PELI1: variants seen among roughly 807,000 people sequenced by gnomAD.
The protein encoded by PELI1 is E3 ubiquitin-protein ligase pellino homolog 1.
PELI1 carries 15 observed loss-of-function variants against 41.3 expected under a neutral mutation model. The ratio of observed to expected loss-of-function variants is 0.36; its 90% CI spans 0.24 to 0.56. PELI1 has a LOEUF of 0.56. Ranked by LOEUF, PELI1 falls within the 20% of genes least tolerant of loss-of-function variation. The probability of loss-of-function intolerance (pLI) is 0.82; values close to 1 mark genes in which losing one functional copy is unlikely to be tolerated. For missense variants in PELI1, 403 were observed against 525.5 expected, an observed-to-expected ratio of 0.77 and a Z score of 2.28; for synonymous variants, 178 against 180.1, an observed-to-expected ratio of 0.99 and a Z score of 0.09.
chr2:64,139,010 A>G (rs1439354516), intron 1 of PELI1, among the ~76,000 whole-genome samples: 1 of 152,226 alleles, frequency 6.6e-6, no homozygotes, highest in East Asian at 1.9e-4. Context: ...CCCACACATC[A>G]CATTTTAAGT....
At chr2:64,129,919 C>G (rs1375226721) in intron 1 of PELI1, among the ~76,000 whole-genome samples, 1 of 152,144 alleles carries the variant, frequency 6.6e-6, no homozygotes, top group Non-Finnish European at 1.5e-5. Flanking sequence ...AGTTTTCATG[C>G]AAATCACTGA....
Position 64,119,489 on chromosome 2 carries a change from T to G in PELI1, c.-69-11110A>C, listed in dbSNP as rs76874374. 2.0e-3 allele frequency among the ~76,000 whole-genome samples: 304 copies of G among 152,320 alleles called. 12 individuals are homozygous for G. The East Asian group carries it at 0.056, about 28-fold the overall frequency. On this transcript the variant is annotated intron_variant, in intron 1 of 6. Transcript: ENST00000358912. ...GTTACAGTTGGAACCACACACTGAA[T>G]AGCTGGCTGTCTGTTCACAGTTCTT...
Position 64,109,604 on chromosome 2 carries a change from C to T in PELI1, c.-69-1225G>A, listed in dbSNP as rs551929076. 2.0e-5 allele frequency among the ~76,000 whole-genome samples: 3 copies of T among 152,186 alleles called. No homozygotes were observed. The South Asian group carries it at 6.2e-4, about 32-fold the overall frequency. On this transcript the variant is annotated intron_variant, in intron 1 of 6. Transcript: ENST00000358912. ...TTGAGGCAGGAGAACCACTTGAACC[C>T]GGGAGGAGGAGGTTGCAGTGAGCCG...
chr2:64,128,075 C>T (rs569947769), intron 1 of PELI1, among the ~76,000 whole-genome samples: 37 of 152,232 alleles, frequency 2.4e-4, no homozygotes, highest in African/African-American at 8.7e-4. Context: ...CAGTTTTCTT[C>T]ACACCCAAAA....
chr2:64,130,813 C>T (rs1681530359), intron 1 of PELI1, among the ~76,000 whole-genome samples: 1 of 152,122 alleles, frequency 6.6e-6, no homozygotes, highest in African/African-American at 2.4e-5. Context: ...AACAGATGTG[C>T]TCATTCATAT....
intron 1 of PELI1, among the ~76,000 whole-genome samples, chr2:64,121,724 G>A (rs1232965558): frequency 6.6e-6 from 1 of 152,078 alleles, no homozygotes; most frequent in Admixed American, 6.6e-5. Context: ...TGGCCAACAT[G>A]GAGAAACCCC....
chr2:64,123,547 T>C (rs1292294801), intron 1 of PELI1, among the ~76,000 whole-genome samples: 1 of 152,210 alleles, frequency 6.6e-6, no homozygotes, highest in Non-Finnish European at 1.5e-5. Flanking sequence ...AGCCAATATG[T>C]ACATAAAAAG....
At position 64,094,529 on chromosome 2, in the gene PELI1, G is replaced by A. The variant is rs1269046866; in HGVS notation, c.*173C>T. 4.0e-6 allele frequency: 2 copies of A among 505,612 alleles called. No homozygotes were observed. Among genetic ancestry groups the A allele is most frequent in the South Asian group, 3.7e-5 (1 of 26,962 alleles). The allele number at this position is 505,612 out of a possible 1,614,324, so 31.3% of individuals were successfully genotyped here. A position where few individuals can be genotyped will look rare whatever the true frequency, so the allele number is the denominator to read the frequency against. On this transcript the variant is annotated 3_prime_UTR_variant, in exon 7 of 7. Transcript: ENST00000358912. ...TACTTTCAGAAATTCCTTTGCTTGA[G>A]TTTCCCAGATTTTTGCTCAGAAATT...
Position 64,144,175 on chromosome 2 carries a change from C to A in PELI1, c.-164G>T, listed in dbSNP as rs1320932095. 3 of 152,178 alleles carry A rather than the reference C, an allele frequency of 2.0e-5. No homozygotes were observed. Among genetic ancestry groups the A allele is most frequent in the Non-Finnish European group, 4.4e-5 (3 of 68,068 alleles). The allele number at this position is 152,178 out of a possible 1,614,324, so 9.4% of individuals were successfully genotyped here. A position where few individuals can be genotyped will look rare whatever the true frequency, so the allele number is the denominator to read the frequency against. On this transcript the variant is annotated 5_prime_UTR_variant, in exon 1 of 7. Transcript: ENST00000358912. The stretch of plus-strand genomic sequence containing the variant: ...GCGCGGGGAGCGCGAGCAGACAGCC[C>A]GCCGTTCCGCCGCTGCCCTCCGCGC...
At chr2:64,133,623 G>A (rs1558487317) in intron 1 of PELI1, among the ~76,000 whole-genome samples, 1 of 151,930 alleles carries the variant, frequency 6.6e-6, no homozygotes, top group Non-Finnish European at 1.5e-5. Context: ...AGCTCAAAGA[G>A]GTTAAATGAA....
At chr2:64,130,572 A>G (rs1056858384) in intron 1 of PELI1, among the ~76,000 whole-genome samples, 9 of 152,190 alleles carry the variant, frequency 5.9e-5, no homozygotes, top group African/African-American at 2.2e-4. Flanking sequence ...GCTATCTTCT[A>G]TTAAAGCTGA....
chr2:64,095,451 AC>A (rs750622128), intron 6 of PELI1, among the ~76,000 whole-genome samples, 183 bp from the exon 7 acceptor site: 4 of 152,348 alleles, frequency 2.6e-5, no homozygotes, highest in Non-Finnish European at 5.9e-5. Flanking sequence ...AAAATATCAA[AC>A]ATTAACATAT....
intron 1 of PELI1, among the ~76,000 whole-genome samples, chr2:64,125,945 G>C (rs1470681578): frequency 1.3e-5 from 2 of 152,134 alleles, no homozygotes; most frequent in African/African-American, 4.8e-5. Context: ...AAACATAAAT[G>C]AATTTTATGG....
intron 1 of PELI1, among the ~76,000 whole-genome samples, chr2:64,141,313 C>G (rs539624805): frequency 2.1e-5 from 3 of 146,274 alleles, no homozygotes; most frequent in Non-Finnish European, 3.0e-5. Flanking sequence ...CGCCCCCACC[C>G]CAAAGGAGCT....
In PELI1 at chr2:64,136,636, C is replaced by T. The variant is rs1221881211; in HGVS notation, c.-70+7445G>A. On this transcript the variant is annotated intron_variant, in intron 1 of 6. Transcript: ENST00000358912. ...AAAATACAAATGAGGCTGGGCGCGG[C>T]GGCTCACGCCTGTAATTCCAGCACT... Among the ~76,000 whole-genome samples the T allele has an allele frequency of 4.6e-5, 7 of 152,332 alleles. No homozygotes were observed. In the East Asian group the frequency reaches 9.6e-4, roughly 21 times the overall value.
At chr2:64,131,223 T>C (rs1681543364) in intron 1 of PELI1, among the ~76,000 whole-genome samples, 1 of 149,826 alleles carries the variant, frequency 6.7e-6, no homozygotes, top group Admixed American at 6.6e-5. Context: ...AGATATTATA[T>C]TAAATTTGTT....
At chr2:64,139,261 T>C (rs922454906) in intron 1 of PELI1, among the ~76,000 whole-genome samples, 1 of 152,222 alleles carries the variant, frequency 6.6e-6, no homozygotes. Flanking sequence ...TATTTCTTGC[T>C]ATTAATTTTT....
At chr2:64,117,188 G>GTC (rs1230816189) in intron 1 of PELI1, among the ~76,000 whole-genome samples, 3 of 152,142 alleles carry the variant, frequency 2.0e-5, no homozygotes, top group Non-Finnish European at 2.9e-5. Context: ...AGAGTTGCAA[G>GTC]TCTCTCTCCC....
At chr2:64,121,374 A>G (rs1218255306) in intron 1 of PELI1, among the ~76,000 whole-genome samples, 1 of 152,164 alleles carries the variant, frequency 6.6e-6, no homozygotes, top group Non-Finnish European at 1.5e-5. Flanking sequence ...GGACCAACAT[A>G]CCAACTCTCT....
Sources: allele counts gnomAD v4.1 joint callset (sites outside exome capture counted in the v4.1 genomes callset), GRCh38; gene constraint gnomAD v4.1.1; transcripts MANE v1.5; gene names NCBI Gene and HGNC (gene_info 2026-07-23, HGNC 2026-07-21).